Variants in EP400 observed in about 807,000 individuals in gnomAD.
EP400 encodes the protein E1A-binding protein p400.
Under a neutral mutation model 354.1 loss-of-function variants are expected in EP400, and 105 were observed. The observed-to-expected ratio is 0.30, with a 90% CI of 0.25 to 0.35. The LOEUF (loss-of-function observed/expected upper bound fraction) is 0.35, where lower values mean the gene tolerates loss of function less well. Ranked by LOEUF, EP400 falls within the 10% of genes least tolerant of loss-of-function variation. EP400 has a pLI of 1.00. For synonymous variants in EP400, 1,646 were observed against 1,716.9 expected (o/e 0.96, Z 1.02); for missense variants, 3,280 against 4,121.0 (o/e 0.80, Z 5.59).
chr12:131,959,957 G>A (rs920659335), intron 1 of EP400, among the ~76,000 whole-genome samples: 10 of 152,218 alleles, frequency 6.6e-5, no homozygotes, highest in African/African-American at 2.4e-4. Context: ...TGCAGTTGAG[G>A]TAGTCCTGGA....
chr12:132,005,046 T>A, intron 12 of EP400, 31 bp from the exon 13 acceptor site: 1 of 1,503,614 alleles, frequency 6.7e-7, no homozygotes, highest in African/African-American at 1.4e-5. Flanking sequence ...TGTTATAAAG[T>A]AACAGCCCTT....
intron 3 of EP400, among the ~76,000 whole-genome samples, chr12:131,980,495 TA>T (rs957120308): frequency 5.3e-5 from 8 of 152,204 alleles, no homozygotes; most frequent in African/African-American, 1.9e-4. Context: ...TACAGTGAGC[TA>T]AGGATTGAAC....
At chr12:131,996,609 A>T (rs2136511299) in intron 12 of EP400, among the ~76,000 whole-genome samples, 1 of 152,240 alleles carries the variant, frequency 6.6e-6, no homozygotes, top group African/African-American at 2.4e-5. Flanking sequence ...AACTCTTTTT[A>T]AAAACAATTA....
At chr12:131,967,783 C>A (rs2136474011) in intron 2 of EP400, among the ~76,000 whole-genome samples, 1 of 151,328 alleles carries the variant, frequency 6.6e-6, no homozygotes, top group South Asian at 2.1e-4. Context: ...TATGATAGTT[C>A]TCTTCGTTTT....
chr12:132,005,049 C>A, intron 12 of EP400, 28 bp from the exon 13 acceptor site: 1 of 1,514,448 alleles, frequency 6.6e-7, no homozygotes, highest in Non-Finnish European at 9.0e-7. Flanking sequence ...TATAAAGTAA[C>A]AGCCCTTCTG....
chr12:131,976,865 A>G (rs996331851), intron 2 of EP400, among the ~76,000 whole-genome samples: 1 of 152,068 alleles, frequency 6.6e-6, no homozygotes, highest in Non-Finnish European at 1.5e-5. Context: ...TAGGGAGAGA[A>G]TGTGGGGCCT....
intron 2 of EP400, among the ~76,000 whole-genome samples, chr12:131,977,669 T>A (rs1892531162): frequency 6.6e-6 from 1 of 152,144 alleles, no homozygotes; most frequent in Non-Finnish European, 1.5e-5. Flanking sequence ...TTCAAAACAT[T>A]CTTTCCTTTC....
At position 132,013,098 on chromosome 12, in the gene EP400, G is replaced by T; in HGVS notation, c.3531G>T (p.Trp1177Cys). Residue 1177 changes from tryptophan to cysteine, a missense_variant, in exon 17 of 53, where the codon TGG becomes TGT. Trp to Cys is a radical substitution (Grantham distance 215, BLOSUM62 -2). Coordinates refer to ENST00000389561, the MANE Select transcript of EP400 (RefSeq NM_015409.5). This position sits in a 1 kb window ranked among gnomAD's most constrained non-coding sequence, Gnocchi z 4.5. ...TCACCGCCTTCACACGAGTGCGCTG[G>T]AAGTGCCTGGTCATTGATGAGATGC... is the stretch of plus-strand genomic sequence containing the variant. ...RGLTAFTRVRWKCLVIDEMQR... is the reference protein window; with the variant it reads ...RGLTAFTRVRCKCLVIDEMQR... 1 of 1,614,176 alleles carries T rather than the reference G, an allele frequency of 6.2e-7. No homozygotes were observed. Among genetic ancestry groups the T allele is most frequent in the Non-Finnish European group, 8.5e-7 (1 of 1,180,038 alleles).
Position 132,013,974 on chromosome 12 carries a change from C to A in EP400, c.3923+61C>A, listed in dbSNP as rs1248754372. 1 of 1,588,826 alleles carries A rather than the reference C, an allele frequency of 6.3e-7. No individual in the cohort carries two copies. Among genetic ancestry groups the A allele is most frequent in the Non-Finnish European group, 8.6e-7 (1 of 1,168,126 alleles). The stretch of plus-strand genomic sequence containing the variant: ...GTCCCTGCCTGTGAGGGAAAACGGC[C>A]CTTTCTGTGGCCTCAGCAGAAAGCT... On this transcript the variant is annotated intron_variant, in intron 19 of 52. Transcript: ENST00000389561. The surrounding 1 kb of genome is among the most constrained non-coding windows in gnomAD (Gnocchi z 4.5).
chr12:132,024,435 C>G (rs1473894739), intron 24 of EP400, among the ~76,000 whole-genome samples: 2 of 152,150 alleles, frequency 1.3e-5, no homozygotes, highest in African/African-American at 4.8e-5. Context: ...GACAAATTGT[C>G]CCTAAAACAC....
At chr12:132,023,723 C>G in intron 23 of EP400, 54 bp from the exon 24 acceptor site, 1 of 1,595,468 alleles carries the variant, frequency 6.3e-7, no homozygotes, top group Non-Finnish European at 8.5e-7. Context: ...ATATGACACT[C>G]CCAAATTTTT....
At position 132,075,719 on chromosome 12, in the gene EP400, T is replaced by C. The variant is rs1263876457; in HGVS notation, c.9022-797T>C. ...TGAGTAAATCATGTAATTTCACATA[T>C]TTCGCAGAATAATCTTGGGAAATAT... On this transcript the variant is annotated intron_variant, in intron 51 of 52. Coordinates refer to ENST00000389561, the MANE Select transcript of EP400 (RefSeq NM_015409.5). The surrounding 1 kb of genome is among the most constrained non-coding windows in gnomAD (Gnocchi z 4.5). 1 of 152,306 alleles carries C rather than the reference T, an allele frequency of 6.6e-6. No homozygotes were observed. Among genetic ancestry groups the C allele is most frequent in the Non-Finnish European group, 1.5e-5 (1 of 68,086 alleles). The allele number at this position is 152,306 out of a possible 1,614,324, so 9.4% of individuals were successfully genotyped here.
rs566611602 is a variant in EP400, at chr12:132,044,227, C to T, written c.6501C>T (p.Thr2167=). The change falls in exon 35 of 53, where the codon ACC becomes ACT. Residue 2167 remains threonine (T), a synonymous_variant. Coordinates refer to ENST00000389561, the MANE Select transcript of EP400 (RefSeq NM_015409.5). ...CATGGGAGTTCTGGAACCTGAAGAC[C>T]CTGCAGGAGAGGGAGGCCCGGCTGC... ...VRAWEFWNLK[T]LQEREARLRL... is the part of the protein sequence containing the mutation. The T allele has an allele frequency of 4.3e-6, 7 of 1,614,084 alleles. No individual in the cohort carries two copies. Among genetic ancestry groups the T allele is most frequent in the African/African-American group, 4.0e-5 (3 of 74,940 alleles).
At chr12:132,037,634 CTG>C in intron 30 of EP400, 46 bp from the exon 31 acceptor site, 1 of 1,488,660 alleles carries the variant, frequency 6.7e-7, no homozygotes, top group Non-Finnish European at 9.4e-7. Context: ...CCTGTTGTCA[CTG>C]TGTTTCCTGG....
rs1441070210 is a variant in EP400 at position 132,037,893 on chromosome 12, C to G, written c.6064-60C>G. 2.5e-6 allele frequency: 4 copies of G among 1,612,378 alleles called. No homozygotes were observed. In the East Asian group the frequency reaches 8.9e-5, roughly 36 times the overall value. On this transcript the variant is annotated intron_variant, in intron 31 of 52. Transcript: ENST00000389561. ...ACTAGCAAGGGGCTTAGGTCTCCAG[C>G]TGAGGTCAGATGCACACTTGGACCT...
intron 6 of EP400, 135 bp from the exon 7 acceptor site, chr12:131,987,570 G>C (rs1255063701): frequency 1.5e-6 from 1 of 687,258 alleles, no homozygotes; most frequent in Non-Finnish European, 2.3e-6. Flanking sequence ...TATTAAACTG[G>C]GACCTTGTGC....
chr12:132,015,919 C>T (rs1379525708), intron 19 of EP400, among the ~76,000 whole-genome samples: 4 of 152,224 alleles, frequency 2.6e-5, no homozygotes, highest in South Asian at 4.2e-4. Flanking sequence ...CACCCGCTGC[C>T]GTGAGGGTGG....
At chr12:131,965,737 T>G (rs1892052980) in intron 2 of EP400, among the ~76,000 whole-genome samples, 1 of 152,242 alleles carries the variant, frequency 6.6e-6, no homozygotes, top group African/African-American at 2.4e-5. Context: ...TCAGTCTGGC[T>G]TCTTTCACTT....
At chr12:132,026,949 A>G (rs964730600) in intron 25 of EP400, among the ~76,000 whole-genome samples, 1 of 152,218 alleles carries the variant, frequency 6.6e-6, no homozygotes, top group Non-Finnish European at 1.5e-5. Context: ...GAGCAGCTCC[A>G]GGGAACGGAT....
Sources: gnomAD v4.1 joint callset for allele counts (sites outside exome capture counted in the v4.1 genomes callset) on GRCh38, gnomAD v4.1.1 for gene constraint, Gnocchi (gnomAD v3.1) non-coding constraint, MANE v1.5 for transcripts, NCBI Gene and HGNC (gene_info 2026-07-23, HGNC 2026-07-21) for gene names.